The following LIMS1 variants were observed in gnomAD, a reference collection of about 807,000 sequenced individuals.
LIMS1 encodes the protein LIM zinc finger domain containing 1, also known as LIM and senescent cell antigen-like-containing domain protein 1.
In LIMS1, 18 loss-of-function variants were observed where a neutral mutation model predicts 44.1. The observed-to-expected ratio is 0.41, with a 90% confidence interval of 0.28 to 0.61. The LOEUF (loss-of-function observed/expected upper bound fraction) is 0.61. LIMS1 is among the 20% of genes least tolerant of loss of function. The pLI is 0.32. For synonymous variants in LIMS1, 93 were observed against 149.1 expected, an observed-to-expected ratio of 0.62 and a Z score of 2.74; for missense variants, 201 against 422.0, an observed-to-expected ratio of 0.48 and a Z score of 4.59.
chr2:108,570,849 G>T (rs1028823384), intron 1 of LIMS1, among the ~76,000 whole-genome samples: 1 of 152,270 alleles, frequency 6.6e-6, no homozygotes, highest in East Asian at 1.9e-4. Context: ...GGCCAAGACC[G>T]CTCCTCCATC....
chr2:108,608,766 G>A (rs1687419754), intron 1 of LIMS1, among the ~76,000 whole-genome samples: 1 of 152,100 alleles, frequency 6.6e-6, no homozygotes, highest in African/African-American at 2.4e-5. Flanking sequence ...GGCCCCTGAT[G>A]CCCATTCCAG....
intron 1 of LIMS1, among the ~76,000 whole-genome samples, chr2:108,582,030 T>C (rs1267696511): frequency 6.6e-6 from 1 of 152,250 alleles, no homozygotes. Context: ...AGTTGGGGAC[T>C]TCTTTGATTA....
chr2:108,593,553 A>G (rs1162050978), intron 1 of LIMS1, among the ~76,000 whole-genome samples: 1 of 152,242 alleles, frequency 6.6e-6, no homozygotes, highest in Non-Finnish European at 1.5e-5. Context: ...AATTTACAAT[A>G]AACTTTAATT....
At chr2:108,617,857 A>G (rs1375211545) in intron 1 of LIMS1, among the ~76,000 whole-genome samples, 1 of 152,200 alleles carries the variant, frequency 6.6e-6, no homozygotes, top group Non-Finnish European at 1.5e-5. Context: ...TGGGGGTGTG[A>G]GATCTGCTGG....
At chr2:108,541,580 C>A (rs1486136359) in intron 1 of LIMS1, among the ~76,000 whole-genome samples, 1 of 152,198 alleles carries the variant, frequency 6.6e-6, no homozygotes, top group Non-Finnish European at 1.5e-5. Context: ...CAAGTAGGTC[C>A]AAACTCCAGC....
At chr2:108,534,098 C>G (rs1008128930), upstream of LIMS1, 1 of 153,218 alleles carries the variant, frequency 6.5e-6, no homozygotes, top group African/African-American at 2.4e-5. Flanking sequence ...TCACCGCCAT[C>G]CTTGTTGTAG....
chr2:108,567,620 G>A (rs1444003370), intron 1 of LIMS1, among the ~76,000 whole-genome samples: 1 of 152,146 alleles, frequency 6.6e-6, no homozygotes, highest in Non-Finnish European at 1.5e-5. Context: ...CATCCAGGCT[G>A]GAGTGCAATG....
At chr2:108,614,247 T>C (rs1687813959) in intron 1 of LIMS1, among the ~76,000 whole-genome samples, 2 of 152,230 alleles carry the variant, frequency 1.3e-5, no homozygotes, top group South Asian at 4.1e-4. Flanking sequence ...GTCCTCACCA[T>C]GCTCGGGCGC....
intron 1 of LIMS1, among the ~76,000 whole-genome samples, chr2:108,587,449 C>T (rs1020694571): frequency 2.6e-5 from 4 of 151,806 alleles, no homozygotes; most frequent in African/African-American, 9.7e-5. Context: ...TCTCCTATGT[C>T]GGCCTCCCAG....
intron 1 of LIMS1, among the ~76,000 whole-genome samples, chr2:108,624,074 C>T (rs1253362532): frequency 6.6e-6 from 1 of 152,178 alleles, no homozygotes; most frequent in African/African-American, 2.4e-5. Flanking sequence ...ATACTTTGTA[C>T]AGTGGAGCAT....
upstream of LIMS1, chr2:108,534,344 C>A: frequency 4.1e-6 from 1 of 243,640 alleles, no homozygotes; most frequent in Non-Finnish European, 7.8e-6. Flanking sequence ...AGTCCCCGCC[C>A]CTCCTTGCCC....
chr2:108,563,662 G>T (rs1405260248), intron 1 of LIMS1, among the ~76,000 whole-genome samples: 1 of 152,220 alleles, frequency 6.6e-6, no homozygotes, highest in Admixed American at 6.5e-5. Flanking sequence ...GTCTACTCCT[G>T]ATGAACTTCC....
At chr2:108,551,806 GTA>G (rs940080978) in intron 1 of LIMS1, among the ~76,000 whole-genome samples, 7 of 143,338 alleles carry the variant, frequency 4.9e-5, no homozygotes, top group African/African-American at 1.5e-4. Context: ...CTGTATATAT[GTA>G]TATGATATAC....
chr2:108,638,253 C>G (rs186649336), intron 1 of LIMS1, among the ~76,000 whole-genome samples: 12 of 152,354 alleles, frequency 7.9e-5, no homozygotes, highest in Admixed American at 7.8e-4. Context: ...TCTGATTGAT[C>G]GAGCTGTCTT....
chr2:108,571,550 CT>C (rs1685480683), intron 1 of LIMS1, among the ~76,000 whole-genome samples: 1 of 152,140 alleles, frequency 6.6e-6, no homozygotes, highest in South Asian at 2.1e-4. Flanking sequence ...AATCCTGTTA[CT>C]CATCTAAGGT....
At chr2:108,562,099 C>A (rs189612271) in intron 1 of LIMS1, among the ~76,000 whole-genome samples, 11 of 152,236 alleles carry the variant, frequency 7.2e-5, no homozygotes, top group African/African-American at 2.6e-4. Flanking sequence ...CACAAAAATG[C>A]ACCCAAATAA....
At chr2:108,615,030 A>G (rs567430315) in intron 1 of LIMS1, among the ~76,000 whole-genome samples, 14 of 152,276 alleles carry the variant, frequency 9.2e-5, no homozygotes, top group African/African-American at 3.4e-4. Flanking sequence ...TGTAATGACG[A>G]TTTAGTTTAG....
chr2:108,543,539 T>C (rs994784251), intron 1 of LIMS1, among the ~76,000 whole-genome samples: 1 of 152,104 alleles, frequency 6.6e-6, no homozygotes, highest in Non-Finnish European at 1.5e-5. Context: ...TAAACAAATT[T>C]TATTGTGGGT....
chr2:108,662,314 G>A, intron 2 of LIMS1: 2 of 1,611,760 alleles, frequency 1.2e-6, no homozygotes, highest in Non-Finnish European at 8.5e-7. Context: ...CCTGTCAGCT[G>A]TGAGGCCACT....
Sources: gnomAD v4.1 joint callset for allele counts (sites outside exome capture counted in the v4.1 genomes callset) on GRCh38, gnomAD v4.1.1 for gene constraint, MANE v1.5 for transcripts, NCBI Gene and HGNC (gene_info 2026-07-23, HGNC 2026-07-21) for gene names.